SAMMSON: variants seen among roughly 807,000 people sequenced by gnomAD.
The protein encoded by SAMMSON is long intergenic non-protein coding RNA 1212.
intron 4 of SAMMSON, among the ~76,000 whole-genome samples, chr3:70,207,033 CT>C (rs11317960): frequency 0.19 from 27,089 of 139,490 alleles, 2,643 homozygotes; most frequent in East Asian, 0.53. Context: ...CTTATTTCTA[CT>C]TTTTTTTTTT....
chr3:70,074,834 T>A (rs770738985), intron 4 of SAMMSON: 1 of 152,128 alleles, frequency 6.6e-6, no homozygotes. Context: ...GTTTTGCTTG[T>A]GTGGTCTGAT....
intron 2 of SAMMSON, among the ~76,000 whole-genome samples, chr3:70,429,079 GTTTT>G: frequency 6.6e-6 from 1 of 151,132 alleles, no homozygotes; most frequent in South Asian, 2.1e-4. Flanking sequence ...TTCTTCTAAG[GTTTT>G]TTTTTATGGT....
chr3:70,145,282 A>G (rs1208132448), intron 4 of SAMMSON, among the ~76,000 whole-genome samples: 8 of 152,126 alleles, frequency 5.3e-5, no homozygotes, highest in African/African-American at 1.9e-4. Context: ...TTCCTCTTAA[A>G]GCAATTGAAA....
intron 7 of SAMMSON, among the ~76,000 whole-genome samples, chr3:70,313,255 G>C (rs1702470608): frequency 6.6e-6 from 1 of 152,098 alleles, no homozygotes. Flanking sequence ...ATTGCTTGAG[G>C]CAAGGAGTTC....
At chr3:70,211,848 C>T (rs1701353672) in intron 4 of SAMMSON, among the ~76,000 whole-genome samples, 1 of 144,252 alleles carries the variant, frequency 6.9e-6, no homozygotes, top group Admixed American at 7.1e-5. Flanking sequence ...CTTTTCCTTC[C>T]TTTCTGCTTT....
chr3:70,144,211 A>C (rs2067539182), intron 4 of SAMMSON, among the ~76,000 whole-genome samples: 1 of 152,098 alleles, frequency 6.6e-6, no homozygotes, highest in African/African-American at 2.4e-5. Flanking sequence ...ATTTATTAAT[A>C]AGGCCATTCA....
chr3:70,399,646 A>G (rs190530353), intron 2 of SAMMSON, among the ~76,000 whole-genome samples: 1 of 152,238 alleles, frequency 6.6e-6, no homozygotes, highest in Admixed American at 6.5e-5. Context: ...CAGTTGGATC[A>G]CCTGAGGTCA....
At chr3:70,171,285 A>G (rs760886951) in intron 4 of SAMMSON, among the ~76,000 whole-genome samples, 48 of 151,854 alleles carry the variant, frequency 3.2e-4, no homozygotes, top group Non-Finnish European at 6.2e-4. Flanking sequence ...AGACAGGCTA[A>G]CCTATGTTTT....
intron 2 of SAMMSON, among the ~76,000 whole-genome samples, chr3:70,427,796 C>T (rs192809502): frequency 6.6e-6 from 1 of 151,432 alleles, no homozygotes; most frequent in Admixed American, 6.6e-5. Flanking sequence ...ATTGTAATGG[C>T]CTGCCATTGG....
intron 4 of SAMMSON, among the ~76,000 whole-genome samples, chr3:70,142,093 C>G (rs7627235): frequency 0.72 from 108,990 of 151,710 alleles, 39,462 homozygotes; most frequent in Non-Finnish European, 0.76. Flanking sequence ...GGAATGTAAA[C>G]CAGTACAACC....
chr3:70,393,117 T>C (rs1701063392), downstream of SAMMSON, among the ~76,000 whole-genome samples: 1 of 152,238 alleles, frequency 6.6e-6, no homozygotes, highest in South Asian at 2.1e-4. Context: ...ATGATCATGA[T>C]GCTTTCTTCA....
intron 7 of SAMMSON, among the ~76,000 whole-genome samples, chr3:70,314,050 A>T (rs1293800952): frequency 6.6e-6 from 1 of 152,106 alleles, no homozygotes; most frequent in Non-Finnish European, 1.5e-5. Flanking sequence ...AGGCTTCTTC[A>T]TCTCTCTCAC....
At chr3:70,258,104 CTTTCA>C (rs1701833520) in intron 6 of SAMMSON, among the ~76,000 whole-genome samples, 2 of 152,126 alleles carry the variant, frequency 1.3e-5, no homozygotes, top group South Asian at 4.1e-4. Flanking sequence ...TGAATCCCAA[CTTTCA>C]TTTCACATCA....
At chr3:70,019,550 T>G (rs1300627821) in intron 3 of SAMMSON, among the ~76,000 whole-genome samples, 1 of 152,252 alleles carries the variant, frequency 6.6e-6, no homozygotes. Flanking sequence ...GGCCAGTCTG[T>G]GTCTTTTAAT....
intron 4 of SAMMSON, among the ~76,000 whole-genome samples, chr3:70,141,591 T>G (rs1428097756): frequency 6.6e-6 from 1 of 152,244 alleles, no homozygotes; most frequent in African/African-American, 2.4e-5. Flanking sequence ...TTCAGTCAAG[T>G]TGACACACAA....
intron 2 of SAMMSON, among the ~76,000 whole-genome samples, chr3:70,400,163 G>A (rs1180636077): frequency 6.6e-6 from 1 of 151,986 alleles, no homozygotes; most frequent in East Asian, 1.9e-4. Flanking sequence ...AAGAAAAAGG[G>A]GACCAATCAA....
chr3:70,418,590 C>T (rs1701283710), intron 2 of SAMMSON, among the ~76,000 whole-genome samples: 1 of 152,340 alleles, frequency 6.6e-6, no homozygotes, highest in East Asian at 1.9e-4. Flanking sequence ...CCATTAGACA[C>T]TACAATTCCA....
intron 9 of SAMMSON, among the ~76,000 whole-genome samples, chr3:70,381,972 C>T (rs35955487): frequency 8.7e-4 from 132 of 152,142 alleles, no homozygotes; most frequent in Non-Finnish European, 1.5e-3. Context: ...GGAACTATTG[C>T]TAATCTTGTT....
At chr3:70,287,976 T>C (rs1438117104) in intron 6 of SAMMSON, among the ~76,000 whole-genome samples, 1 of 152,172 alleles carries the variant, frequency 6.6e-6, no homozygotes, top group Non-Finnish European at 1.5e-5. Flanking sequence ...TTGCTAGCAG[T>C]CTATCTCTTT....
Sources: allele counts gnomAD v4.1 joint callset (sites outside exome capture counted in the v4.1 genomes callset), GRCh38; gene constraint gnomAD v4.1.1; transcripts MANE v1.5; gene names NCBI Gene and HGNC (gene_info 2026-07-23, HGNC 2026-07-21).